EMP1: variants seen among roughly 807,000 people sequenced by gnomAD.
The protein encoded by EMP1 is tumor-associated membrane protein.
Under a neutral mutation model 15.7 loss-of-function variants are expected in EMP1, and 5 were observed. The ratio of observed to expected loss-of-function variants is 0.32; its 90% CI spans 0.17 to 0.67. The LOEUF (loss-of-function observed/expected upper bound fraction) is 0.67, where lower values mean the gene tolerates loss of function less well. Ranked by LOEUF, EMP1 falls within the 30% of genes least tolerant of loss-of-function variation. EMP1 has a pLI of 0.74. For missense variants in EMP1, 166 were observed against 194.2 expected (o/e 0.85, Z 0.86); for synonymous variants, 78 against 76.7 (o/e 1.02, Z -0.09).
intron 1 of EMP1, among the ~76,000 whole-genome samples, chr12:13,204,585 G>T (rs910276821): frequency 8.5e-5 from 13 of 152,200 alleles, no homozygotes; most frequent in African/African-American, 2.2e-4. Context: ...CACCCTGCGT[G>T]GTGTCTTAGG....
intron 1 of EMP1, among the ~76,000 whole-genome samples, chr12:13,201,931 G>A (rs1864069788): frequency 1.3e-5 from 2 of 151,774 alleles, no homozygotes; most frequent in Admixed American, 1.3e-4. Flanking sequence ...GTGTACAGGT[G>A]TGGACAGGAG....
chr12:13,218,192 C>T lies in EMP1; in HGVS notation c.*3501C>T, dbSNP rs1222296496. ...AAATGGTTAATAGATAAAGATCCCA[C>T]TCTGCCTTGGATTTAGCCATCGCAG... On this transcript the variant is annotated 3_prime_UTR_variant, in exon 5 of 5. Coordinates refer to ENST00000256951, the MANE Select transcript of EMP1 (RefSeq NM_001423.3). 1 of 152,206 alleles carries T rather than the reference C, an allele frequency of 6.6e-6. No homozygotes were observed. The highest frequency in any genetic ancestry group is 1.9e-4 in the East Asian group (1 of 5,202). The allele number at this position is 152,206 out of a possible 1,614,324, so 9.4% of individuals were successfully genotyped here.
chr12:13,210,116 G>A (rs755169404), intron 1 of EMP1, among the ~76,000 whole-genome samples: 3 of 152,172 alleles, frequency 2.0e-5, no homozygotes, highest in Non-Finnish European at 2.9e-5. Flanking sequence ...ACAGTGAGAG[G>A]AGATAAAAGG....
intron 1 of EMP1, among the ~76,000 whole-genome samples, chr12:13,208,884 T>C (rs1003983677): frequency 3.3e-5 from 5 of 152,162 alleles, no homozygotes; most frequent in African/African-American, 1.2e-4. Context: ...AGGGCTGTGA[T>C]GCATGGGCCC....
intron 2 of EMP1, 98 bp from the exon 3 acceptor site, chr12:13,213,381 T>C: frequency 1.8e-6 from 2 of 1,092,716 alleles, no homozygotes; most frequent in South Asian, 2.8e-5. Context: ...ATAGAATGTC[T>C]TTATTAAAAT....
rs913451185 is a variant in EMP1 at position 13,216,990 on chromosome 12, CTT to C, written c.*2300_*2301del. On this transcript the variant is annotated 3_prime_UTR_variant, in exon 5 of 5. Transcript: ENST00000256951. Reference sequence around the variant, plus strand: ...GTTTTATCTTGCTTTGATTAAACCTCTTAGGCAAAAAATGGAACTTCATAAGC... The same window carrying C: ...GTTTTATCTTGCTTTGATTAAACCTCAGGCAAAAAATGGAACTTCATAAGC... The C allele has an allele frequency of 3.3e-5, 5 of 152,554 alleles. No individual in the cohort carries two copies. The highest frequency in any genetic ancestry group is 7.2e-5 in the African/African-American group (3 of 41,446). The allele number at this position is 152,554 out of a possible 1,614,324, so 9.5% of individuals were successfully genotyped here.
chr12:13,207,824 T>C (rs184885116), intron 1 of EMP1, among the ~76,000 whole-genome samples: 22 of 152,294 alleles, frequency 1.4e-4, no homozygotes, highest in Admixed American at 1.4e-3. Context: ...GGCCTGTTCT[T>C]TAAAAATGCA....
Position 13,216,675 on chromosome 12 carries a change from C to T in EMP1, c.*1984C>T, listed in dbSNP as rs556565097. 1 of 501,360 alleles carries T rather than the reference C, an allele frequency of 2.0e-6. No individual in the cohort carries two copies. Among genetic ancestry groups the T allele is most frequent in the Non-Finnish European group, 3.5e-6 (1 of 287,040 alleles). The allele number at this position is 501,360 out of a possible 1,614,324, so 31.1% of individuals were successfully genotyped here. The stretch of plus-strand genomic sequence containing the variant: ...TGGATTGTTCTAGTACTGTATTGGG[C>T]TTCTTCGTTAATAGATTATTTCATA... On this transcript the variant is annotated 3_prime_UTR_variant, in exon 5 of 5. Transcript: ENST00000256951.
At chr12:13,207,211 A>T (rs909615561) in intron 1 of EMP1, among the ~76,000 whole-genome samples, 8 of 152,104 alleles carry the variant, frequency 5.3e-5, no homozygotes, top group East Asian at 1.9e-4. Flanking sequence ...TCCCTGGTTC[A>T]AGTGATTCTC....
chr12:13,198,948 C>A lies in EMP1; in HGVS notation c.-43+2076C>A, dbSNP rs539711043. Among the ~76,000 whole-genome samples, 21 of 151,978 alleles carry A rather than the reference C, an allele frequency of 1.4e-4. No individual in the cohort carries two copies. In the East Asian group the frequency reaches 4.1e-3, roughly 29 times the overall value. ...TCCCGAAATGTGAGGGTTATTTTTC[C>A]CCCCCACTCTGCCCGCTGCCTCCCA... is the stretch of plus-strand genomic sequence containing the variant. On this transcript the variant is annotated intron_variant, in intron 1 of 4. Transcript: ENST00000256951.
rs1053770033 is a variant in EMP1, at chr12:13,196,813, G to A, written c.-102G>A. ...TGCGGTCACATACTTCCAGAAGAGCGGACCAGGGCTGCTGCCAGCACCTGC... is the reference window on the plus strand; with the variant it reads ...TGCGGTCACATACTTCCAGAAGAGCAGACCAGGGCTGCTGCCAGCACCTGC... On this transcript the variant is annotated 5_prime_UTR_variant, in exon 1 of 5. Coordinates refer to ENST00000256951, the MANE Select transcript of EMP1 (RefSeq NM_001423.3). 3 of 152,284 alleles carry A rather than the reference G, an allele frequency of 2.0e-5. No individual in the cohort carries two copies. Among genetic ancestry groups the A allele is most frequent in the African/African-American group, 7.2e-5 (3 of 41,444 alleles). The allele number at this position is 152,284 out of a possible 1,614,324, so 9.4% of individuals were successfully genotyped here.
chr12:13,206,495 T>C (rs74844933), intron 1 of EMP1, among the ~76,000 whole-genome samples: 2,048 of 152,326 alleles, frequency 0.013, 51 homozygotes, highest in African/African-American at 0.046. Flanking sequence ...CTAGGGCTAA[T>C]TCTTCAGTGA....
At chr12:13,204,165 C>T (rs1255017501) in intron 1 of EMP1, among the ~76,000 whole-genome samples, 1 of 152,194 alleles carries the variant, frequency 6.6e-6, no homozygotes, top group East Asian at 1.9e-4. Context: ...GAGGTTCCTT[C>T]CTTCCACACC....
At chr12:13,197,103 T>C (rs1864021601) in intron 1 of EMP1, among the ~76,000 whole-genome samples, 1 of 152,170 alleles carries the variant, frequency 6.6e-6, no homozygotes, top group African/African-American at 2.4e-5. Context: ...TCTGGGGAAA[T>C]CAATGGGATG....
rs1864213603 is a variant in EMP1, at chr12:13,216,153, G to A, written c.*1462G>A. 4.1e-6 allele frequency: 2 copies of A among 488,870 alleles called. No individual in the cohort carries two copies. The highest frequency in any genetic ancestry group is 7.3e-6 in the Non-Finnish European group (2 of 274,000). The allele number at this position is 488,870 out of a possible 1,614,324, so 30.3% of individuals were successfully genotyped here. A position where few individuals can be genotyped will look rare whatever the true frequency, so the allele number is the denominator to read the frequency against. On this transcript the variant is annotated 3_prime_UTR_variant, in exon 5 of 5. Transcript: ENST00000256951. ...GCTATTTTAAGCCATCTCAGATTCT[G>A]TCTAAAGGGGTTTTTTGGGAAGACG...
At chr12:13,200,043 A>G (rs75394368) in intron 1 of EMP1, among the ~76,000 whole-genome samples, 11,881 of 150,050 alleles carry the variant, frequency 0.079, 658 homozygotes, top group East Asian at 0.25. Context: ...ATAGTCAATC[A>G]TACTCACGGG....
chr12:13,202,757 A>C lies in EMP1; in HGVS notation c.-43+5885A>C, dbSNP rs182469969. The stretch of plus-strand genomic sequence containing the variant: ...CCTCGGAAGACCCTGTGTTTTTATA[A>C]TTGGCACAGTTTTAAGGGGTATATG... On this transcript the variant is annotated intron_variant, in intron 1 of 4. Coordinates refer to ENST00000256951, the MANE Select transcript of EMP1 (RefSeq NM_001423.3). Among the ~76,000 whole-genome samples the C allele has an allele frequency of 4.0e-3, 606 of 152,156 alleles. 1 individual carries two copies. The highest frequency in any genetic ancestry group is 0.014 in the African/African-American group (578 of 41,486).
chr12:13,203,288 G>A (rs1820955636), intron 1 of EMP1, among the ~76,000 whole-genome samples: 1 of 152,186 alleles, frequency 6.6e-6, no homozygotes, highest in South Asian at 2.1e-4. Context: ...ACACTCGTTT[G>A]TCAAAAGCAG....
chr12:13,202,007 G>A (rs1864070310), intron 1 of EMP1, among the ~76,000 whole-genome samples: 1 of 151,894 alleles, frequency 6.6e-6, no homozygotes, highest in Non-Finnish European at 1.5e-5. Flanking sequence ...AGGGAGGGAG[G>A]GCAAGTGGGA....
Sources: allele counts gnomAD v4.1 joint callset (sites outside exome capture counted in the v4.1 genomes callset), GRCh38; gene constraint gnomAD v4.1.1; transcripts MANE v1.5; gene names NCBI Gene and HGNC (gene_info 2026-07-23, HGNC 2026-07-21).